The following CLVS1 variants were observed in gnomAD, a reference collection of about 807,000 sequenced individuals.
The protein encoded by CLVS1 is clavesin-1.
A neutral mutation model predicts 33.1 loss-of-function variants in CLVS1; 10 were observed. That is an observed-to-expected ratio of 0.30 (90% confidence interval 0.19 to 0.51). The LOEUF (loss-of-function observed/expected upper bound fraction) is 0.51, where lower values mean the gene tolerates loss of function less well. Among genes scored for constraint, CLVS1 ranks in the 20% least tolerant of loss-of-function variants. CLVS1 has a pLI of 0.97. For synonymous variants in CLVS1, 163 were observed against 166.1 expected, an observed-to-expected ratio of 0.98 and a Z score of 0.14; for missense variants, 343 against 433.4, an observed-to-expected ratio of 0.79 and a Z score of 1.85.
chr8:61,047,808 G>A, the CLVS1 span, among the ~76,000 whole-genome samples: 1 of 152,110 alleles, frequency 6.6e-6, no homozygotes, highest in South Asian at 2.1e-4. Flanking sequence ...GCGGGGAGCG[G>A]GGAGGGATAG....
intron 1 of CLVS1, among the ~76,000 whole-genome samples, chr8:61,096,498 A>G (rs1585607585): frequency 6.6e-6 from 1 of 152,272 alleles, no homozygotes; most frequent in Admixed American, 6.5e-5. Flanking sequence ...GATTCTTTAT[A>G]GTGAATCTCC....
chr8:61,190,760 A>G (rs1807454389), intron 2 of CLVS1, among the ~76,000 whole-genome samples: 1 of 152,254 alleles, frequency 6.6e-6, no homozygotes, highest in South Asian at 2.1e-4. Flanking sequence ...ATGCAAATAA[A>G]CTAGAAAATC....
At chr8:61,087,267 T>A (rs1207579574) in intron 1 of CLVS1, among the ~76,000 whole-genome samples, 1 of 152,114 alleles carries the variant, frequency 6.6e-6, no homozygotes, top group Non-Finnish European at 1.5e-5. Context: ...AGTGGACCAC[T>A]GGGAAACTGG....
At chr8:61,146,221 T>A (rs1297351532) in intron 2 of CLVS1, among the ~76,000 whole-genome samples, 1 of 152,184 alleles carries the variant, frequency 6.6e-6, no homozygotes, top group Non-Finnish European at 1.5e-5. Flanking sequence ...TGAATTCACA[T>A]GTGAAATACA....
chr8:61,209,803 G>A (rs1355675280), intron 2 of CLVS1, among the ~76,000 whole-genome samples: 2 of 149,574 alleles, frequency 1.3e-5, no homozygotes, highest in African/African-American at 5.0e-5. Context: ...ATTCAAAGAT[G>A]CCACCAATAT....
intron 2 of CLVS1, among the ~76,000 whole-genome samples, chr8:61,335,825 T>C (rs1034186426): frequency 6.6e-6 from 1 of 152,204 alleles, no homozygotes; most frequent in African/African-American, 2.4e-5. Flanking sequence ...GGGGAGCAGA[T>C]ATCAAAGCAT....
intron 1 of CLVS1, among the ~76,000 whole-genome samples, chr8:61,070,036 A>C (rs976640832): frequency 1.3e-5 from 2 of 151,640 alleles, no homozygotes; most frequent in East Asian, 1.9e-4. Flanking sequence ...CCTGTGATCC[A>C]CCCGCCTCGG....
chr8:61,429,984 C>A (rs1031856399), intron 3 of CLVS1, among the ~76,000 whole-genome samples: 2 of 152,212 alleles, frequency 1.3e-5, no homozygotes, highest in African/African-American at 2.4e-5. Flanking sequence ...GCATGAGCTG[C>A]TGTTTTCTCT....
the CLVS1 span, among the ~76,000 whole-genome samples, chr8:61,017,969 C>T: frequency 6.6e-6 from 1 of 152,134 alleles, no homozygotes; most frequent in Non-Finnish European, 1.5e-5. Context: ...CTACTGTGTT[C>T]AATGTTTTAT....
chr8:61,027,927 A>G, the CLVS1 span, among the ~76,000 whole-genome samples: 1 of 152,210 alleles, frequency 6.6e-6, no homozygotes, highest in South Asian at 2.1e-4. Flanking sequence ...TGGTGAATCG[A>G]CCACTCTGTG....
chr8:61,319,469 A>T (rs2129596118), intron 2 of CLVS1, among the ~76,000 whole-genome samples: 2 of 152,294 alleles, frequency 1.3e-5, no homozygotes, highest in East Asian at 3.9e-4. Flanking sequence ...TACAACTAGG[A>T]TTCCTCACTT....
chr8:61,233,060 A>G (rs1271099234), intron 2 of CLVS1, among the ~76,000 whole-genome samples: 6 of 152,248 alleles, frequency 3.9e-5, no homozygotes, highest in South Asian at 4.1e-4. Flanking sequence ...TCAAAAACTC[A>G]TTATTTATTA....
chr8:61,467,151 T>G (rs1452539036), intron 5 of CLVS1, among the ~76,000 whole-genome samples: 1 of 152,162 alleles, frequency 6.6e-6, no homozygotes, highest in Admixed American at 6.5e-5. Flanking sequence ...TGATTTTGAT[T>G]GAGGGTAAGA....
chr8:61,029,393 C>A, the CLVS1 span, among the ~76,000 whole-genome samples: 1 of 152,074 alleles, frequency 6.6e-6, no homozygotes, highest in African/African-American at 2.4e-5. Flanking sequence ...GGAGGCGGGG[C>A]AGAGATGCAG....
chr8:61,250,206 T>A (rs1445867469), intron 2 of CLVS1, among the ~76,000 whole-genome samples: 1 of 152,194 alleles, frequency 6.6e-6, no homozygotes, highest in Non-Finnish European at 1.5e-5. Flanking sequence ...TATGTCAGGT[T>A]TGTCAAAGAT....
intron 2 of CLVS1, chr8:61,265,001 G>A (rs1809276964): frequency 6.6e-6 from 1 of 152,196 alleles, no homozygotes; most frequent in Non-Finnish European, 1.5e-5. Flanking sequence ...CTAGCTAGGT[G>A]CCTGGAGTTT....
At chr8:61,149,698 G>A (rs1806490798) in intron 2 of CLVS1, among the ~76,000 whole-genome samples, 1 of 152,074 alleles carries the variant, frequency 6.6e-6, no homozygotes, top group African/African-American at 2.4e-5. Flanking sequence ...ACATGAGGTG[G>A]GATGTTCTAA....
chr8:61,253,990 G>C (rs1220436885), intron 2 of CLVS1, among the ~76,000 whole-genome samples: 1 of 152,184 alleles, frequency 6.6e-6, no homozygotes, highest in Non-Finnish European at 1.5e-5. Context: ...GAGGCGGAGA[G>C]GCGCTCTGAT....
the CLVS1 span, among the ~76,000 whole-genome samples, chr8:61,037,128 A>G: frequency 7.2e-5 from 11 of 152,348 alleles, no homozygotes; most frequent in African/African-American, 2.2e-4. Context: ...ACTTAATATT[A>G]TTAGATTTTA....
Sources: allele counts gnomAD v4.1 joint callset (sites outside exome capture counted in the v4.1 genomes callset), GRCh38; gene constraint gnomAD v4.1.1; transcripts MANE v1.5; gene names NCBI Gene and HGNC (gene_info 2026-07-23, HGNC 2026-07-21).